The following GPC5 variants were observed in gnomAD, a reference collection of about 807,000 sequenced individuals.
GPC5 encodes glypican-5.
Under a neutral mutation model 53.9 loss-of-function variants are expected in GPC5, and 47 were observed. That is an observed-to-expected ratio of 0.87 (90% CI 0.69 to 1.11). The LOEUF (loss-of-function observed/expected upper bound fraction) is 1.11, where lower values mean the gene tolerates loss of function less well. GPC5 is among the 50% of genes most tolerant of loss of function. The pLI is 0.00. For synonymous variants in GPC5, 286 were observed against 263.3 expected (o/e 1.09, Z -0.84); for missense variants, 748 against 713.1 (o/e 1.05, Z -0.56).
At chr13:92,751,303 TAAAAAAAAA>T (rs71123435) in intron 7 of GPC5, among the ~76,000 whole-genome samples, 482 of 38,806 alleles carry the variant, frequency 0.012, 10 homozygotes, top group African/African-American at 0.039. Flanking sequence ...CAGAAACATT[TAAAAAAAAA>T]AAAAAAAAAA....
At chr13:91,963,407 T>G (rs2040145177) in intron 6 of GPC5, among the ~76,000 whole-genome samples, 1 of 152,202 alleles carries the variant, frequency 6.6e-6, no homozygotes, top group African/African-American at 2.4e-5. Flanking sequence ...CTTACAGAAG[T>G]TCCCTATGTG....
intron 7 of GPC5, among the ~76,000 whole-genome samples, chr13:92,399,332 C>T (rs1276689482): frequency 2.6e-5 from 4 of 152,126 alleles, no homozygotes; most frequent in African/African-American, 9.7e-5. Context: ...TTATTAAGTG[C>T]TATTGGACAA....
At chr13:91,407,685 A>T (rs1354937876) in intron 1 of GPC5, among the ~76,000 whole-genome samples, 1 of 152,080 alleles carries the variant, frequency 6.6e-6, no homozygotes, top group Admixed American at 6.5e-5. Flanking sequence ...AGTATACATC[A>T]CTCGTCTGTG....
At chr13:92,304,097 G>A (rs2043093868) in intron 7 of GPC5, among the ~76,000 whole-genome samples, 1 of 152,086 alleles carries the variant, frequency 6.6e-6, no homozygotes, top group Non-Finnish European at 1.5e-5. Flanking sequence ...CCTCATTATG[G>A]TTGGCTGTAT....
intron 7 of GPC5, among the ~76,000 whole-genome samples, chr13:92,696,996 T>A (rs1287317654): frequency 6.6e-6 from 1 of 152,144 alleles, no homozygotes. Flanking sequence ...TTGTCAAAGA[T>A]CTGATGGTTG....
intron 7 of GPC5, among the ~76,000 whole-genome samples, chr13:92,830,389 C>T (rs1049919169): frequency 3.3e-5 from 5 of 151,604 alleles, no homozygotes; most frequent in African/African-American, 1.2e-4. Flanking sequence ...AGTTCAGGGG[C>T]TTGGTTCACA....
At chr13:91,418,416 G>C (rs1216536854) in intron 1 of GPC5, among the ~76,000 whole-genome samples, 1 of 152,176 alleles carries the variant, frequency 6.6e-6, no homozygotes, top group Non-Finnish European at 1.5e-5. Context: ...GCTAGGATCA[G>C]CATTTAGATT....
chr13:92,206,401 G>A (rs191123743), intron 7 of GPC5, among the ~76,000 whole-genome samples: 25 of 150,834 alleles, frequency 1.7e-4, no homozygotes, highest in Non-Finnish European at 3.0e-4. Flanking sequence ...TCCTGACCTC[G>A]TGATCCACCC....
chr13:92,082,497 G>A (rs2041304371), intron 6 of GPC5, among the ~76,000 whole-genome samples: 1 of 152,074 alleles, frequency 6.6e-6, no homozygotes. Flanking sequence ...GTCCACTTCT[G>A]TTTGGTGACA....
chr13:91,955,782 A>T (rs1382497292), intron 6 of GPC5, among the ~76,000 whole-genome samples: 1 of 152,192 alleles, frequency 6.6e-6, no homozygotes, highest in Non-Finnish European at 1.5e-5. Flanking sequence ...GTGCCATTTG[A>T]GATCTCAGTC....
intron 7 of GPC5, among the ~76,000 whole-genome samples, chr13:92,328,522 T>G (rs1483340348): frequency 6.6e-6 from 1 of 152,142 alleles, no homozygotes; most frequent in Admixed American, 6.6e-5. Flanking sequence ...TTAATGGAAC[T>G]AGGCTATAAG....
At position 92,663,576 on chromosome 13, in the gene GPC5, A is replaced by AATAT. The variant is rs371066796; in HGVS notation, c.1562-202691_1562-202688dup. 3.5e-3 allele frequency among the ~76,000 whole-genome samples: 475 copies of AATAT among 134,294 alleles called. 3 individuals carry two copies. The highest frequency in any genetic ancestry group is 5.9e-3 in the Admixed American group (73 of 12,346). The allele number at this position is 134,294 out of a possible 152,430, so 88.1% of individuals were successfully genotyped here. A position where few individuals can be genotyped will look rare whatever the true frequency, so the allele number is the denominator to read the frequency against. Reference sequence around the variant, plus strand: ...ATATGGTGAAACCCTGTTTCTACTAAATATATATATATATATATCTACTAT... The same window carrying AATAT: ...ATATGGTGAAACCCTGTTTCTACTAAATATATATATATATATATATATCTACTAT... On this transcript the variant is annotated intron_variant, in intron 7 of 7. Transcript: ENST00000377067.
chr13:91,705,305 G>A (rs1045741197), intron 3 of GPC5, among the ~76,000 whole-genome samples: 4 of 152,140 alleles, frequency 2.6e-5, no homozygotes, highest in African/African-American at 9.7e-5. Context: ...TTTGAGACAG[G>A]TAGTACCTCC....
intron 7 of GPC5, among the ~76,000 whole-genome samples, chr13:92,545,936 T>G (rs1882094587): frequency 6.6e-6 from 1 of 152,166 alleles, no homozygotes; most frequent in Non-Finnish European, 1.5e-5. Context: ...TAGATCCCAT[T>G]TGTCAATTTT....
intron 7 of GPC5, among the ~76,000 whole-genome samples, chr13:92,628,866 C>T (rs1885144005): frequency 6.6e-6 from 1 of 152,152 alleles, no homozygotes; most frequent in Admixed American, 6.5e-5. Context: ...CTCTATATCA[C>T]CAGAGGGCTT....
chr13:91,890,184 G>A (rs568406910), intron 5 of GPC5, among the ~76,000 whole-genome samples: 151 of 152,250 alleles, frequency 9.9e-4, no homozygotes, highest in African/African-American at 3.4e-3. Flanking sequence ...GTTCTTTTGC[G>A]TAAGGTTGCA....
chr13:92,146,500 G>T (rs867488250), intron 7 of GPC5, among the ~76,000 whole-genome samples: 38 of 152,014 alleles, frequency 2.5e-4, no homozygotes, highest in African/African-American at 8.7e-4. Context: ...AATGATAAAG[G>T]TTTTATTTTA....
intron 5 of GPC5, among the ~76,000 whole-genome samples, chr13:91,804,410 T>G (rs1380494762): frequency 2.0e-5 from 3 of 152,186 alleles, no homozygotes; most frequent in African/African-American, 2.4e-5. Context: ...TGCCAGCACA[T>G]GCTTTACAAT....
At chr13:91,523,924 GAC>G (rs1320119314) in intron 2 of GPC5, among the ~76,000 whole-genome samples, 1 of 151,744 alleles carries the variant, frequency 6.6e-6, no homozygotes, top group Non-Finnish European at 1.5e-5. Flanking sequence ...TTCCTTTAAA[GAC>G]ACAGTTTTAT....
Sources: gnomAD v4.1 joint callset for allele counts (sites outside exome capture counted in the v4.1 genomes callset) on GRCh38, gnomAD v4.1.1 for gene constraint, MANE v1.5 for transcripts, NCBI Gene and HGNC (gene_info 2026-07-23, HGNC 2026-07-21) for gene names.